Variants in TTLL5 observed in about 807,000 individuals in gnomAD.
TTLL5 encodes tubulin tyrosine ligase like 5, also known as tubulin polyglutamylase TTLL5.
A neutral mutation model predicts 168.4 loss-of-function variants in TTLL5; 132 were observed. The ratio of observed to expected loss-of-function variants is 0.78; its 90% CI spans 0.68 to 0.91. The LOEUF (loss-of-function observed/expected upper bound fraction) is 0.91. Ranked by LOEUF, TTLL5 falls within the 40% of genes least tolerant of loss-of-function variation. TTLL5 has a pLI of 0.00. For missense variants in TTLL5, 1,545 were observed against 1,581.5 expected (o/e 0.98, Z 0.39); for synonymous variants, 546 against 558.6 (o/e 0.98, Z 0.32).
intron 30 of TTLL5, among the ~76,000 whole-genome samples, chr14:75,892,323 A>G (rs2032440786): frequency 6.6e-6 from 1 of 152,222 alleles, no homozygotes; most frequent in Non-Finnish European, 1.5e-5. Flanking sequence ...CTTGGCCCCA[A>G]AATATACCAA....
intron 7 of TTLL5, among the ~76,000 whole-genome samples, chr14:75,705,767 AATT>A (rs1156799801): frequency 6.6e-6 from 1 of 151,948 alleles, no homozygotes; most frequent in East Asian, 1.9e-4. Flanking sequence ...TTATCAACCT[AATT>A]ATTATCACTA....
At chr14:75,883,152 A>G (rs1253436373) in intron 30 of TTLL5, among the ~76,000 whole-genome samples, 1 of 152,236 alleles carries the variant, frequency 6.6e-6, no homozygotes, top group Non-Finnish European at 1.5e-5. Flanking sequence ...GATCTTTTCA[A>G]TTTCATATAA....
chr14:75,663,320 A>G (rs1890874552), intron 2 of TTLL5, 97 bp downstream of exon 2: 14 of 1,189,098 alleles, frequency 1.2e-5, no homozygotes, highest in Non-Finnish European at 1.2e-6. Flanking sequence ...TCTTTTACTT[A>G]TGTACTCTTT....
intron 5 of TTLL5, among the ~76,000 whole-genome samples, chr14:75,688,174 A>G (rs1341502525): frequency 6.6e-6 from 1 of 152,140 alleles, no homozygotes; most frequent in East Asian, 1.9e-4. Flanking sequence ...TGGTTACAAG[A>G]AAAGACCAAG....
intron 12 of TTLL5, among the ~76,000 whole-genome samples, chr14:75,721,845 G>A (rs1442963393): frequency 6.6e-6 from 1 of 152,070 alleles, no homozygotes; most frequent in Non-Finnish European, 1.5e-5. Flanking sequence ...TATATTTGAG[G>A]GTCAGTAAAC....
chr14:75,737,638 A>C, intron 15 of TTLL5: 2 of 1,526,928 alleles, frequency 1.3e-6, no homozygotes. Flanking sequence ...AGACTTCTTC[A>C]AATTTTATTT....
intron 7 of TTLL5, among the ~76,000 whole-genome samples, chr14:75,705,869 C>G (rs938465819): frequency 3.5e-4 from 52 of 150,662 alleles, no homozygotes; most frequent in African/African-American, 1.3e-3. Flanking sequence ...TTTTTTTTCT[C>G]CCAGATATTT....
Position 75,843,857 on chromosome 14 carries a change from A to ATTTTGTTTTGTTTTG in TTLL5, c.3327-19800_3327-19786dup, listed in dbSNP as rs1555350782. On this transcript the variant is annotated intron_variant, in intron 28 of 31. Transcript: ENST00000298832. Reference sequence around the variant, plus strand: ...TAGTTTCTCATTTTATATTTATTTTATTTTGTTTTGTTTTGTTTTGTTTTA... The same window carrying ATTTTGTTTTGTTTTG: ...TAGTTTCTCATTTTATATTTATTTTATTTTGTTTTGTTTTGTTTTGTTTTGTTTTGTTTTGTTTTA... 1.9e-3 allele frequency among the ~76,000 whole-genome samples: 191 copies of ATTTTGTTTTGTTTTG among 99,292 alleles called. 1 individual carries two copies. Among genetic ancestry groups the ATTTTGTTTTGTTTTG allele is most frequent in the African/African-American group, 5.6e-3 (182 of 32,752 alleles). 65.1% of individuals were successfully genotyped at this position (99,292 alleles called of 152,430 possible). A position where few individuals can be genotyped will look rare whatever the true frequency, so the allele number is the denominator to read the frequency against.
intron 28 of TTLL5, among the ~76,000 whole-genome samples, chr14:75,821,811 T>C (rs1193880460): frequency 6.6e-6 from 1 of 152,186 alleles, no homozygotes; most frequent in Non-Finnish European, 1.5e-5. Context: ...CACGATTTAC[T>C]TCTGACCCAT....
At chr14:75,763,255 C>CTGTGTGTGTG (rs60621403) in intron 18 of TTLL5, among the ~76,000 whole-genome samples, 5,393 of 58,496 alleles carry the variant, frequency 0.092, 117 homozygotes, top group Non-Finnish European at 0.16. Context: ...AGCTCTCTCT[C>CTGTGTGTGTG]TGTGTGTGTG....
At chr14:75,694,805 A>G (rs559520682) in intron 6 of TTLL5, among the ~76,000 whole-genome samples, 2 of 152,322 alleles carry the variant, frequency 1.3e-5, no homozygotes, top group South Asian at 2.1e-4. Context: ...TGAAGATTTT[A>G]TGGACATTTA....
At chr14:75,829,612 A>G (rs949864352) in intron 28 of TTLL5, among the ~76,000 whole-genome samples, 7 of 150,196 alleles carry the variant, frequency 4.7e-5, no homozygotes, top group African/African-American at 7.4e-5. Context: ...AAAAGAGCAT[A>G]TGGGTTCAGA....
intron 16 of TTLL5, 104 bp downstream of exon 16, chr14:75,745,312 A>G: frequency 7.9e-7 from 1 of 1,272,278 alleles, no homozygotes; most frequent in Non-Finnish European, 1.1e-6. Context: ...TTACATTGAA[A>G]AGAGAAAGAT....
At chr14:75,664,415 A>G (rs1272520759) in intron 2 of TTLL5, among the ~76,000 whole-genome samples, 10 of 152,332 alleles carry the variant, frequency 6.6e-5, no homozygotes, top group African/African-American at 2.2e-4. Context: ...TGTGCTATGT[A>G]ACCTGAAAAA....
intron 4 of TTLL5, 124 bp downstream of exon 4, chr14:75,681,751 T>TC: frequency 2.8e-6 from 2 of 712,606 alleles, no homozygotes; most frequent in Non-Finnish European, 4.7e-6. Flanking sequence ...TTAGTGGTGG[T>TC]CCAGAACTCA....
At position 75,707,080 on chromosome 14, in the gene TTLL5, C is replaced by A. The variant is rs1886709989; in HGVS notation, c.648C>A (p.Leu216=). 1 of 1,612,356 alleles carries A rather than the reference C, an allele frequency of 6.2e-7. No individual in the cohort carries two copies. The highest frequency in any genetic ancestry group is 1.1e-5 in the South Asian group (1 of 90,978). The change falls in exon 8 of 32, where the codon CTC becomes CTA. Residue 216 remains leucine (L), a synonymous_variant. Transcript: ENST00000298832. ...CCCGTTACATTAACAACCCCCTGCT[C>A]ATAGATGGTGAGTTGTGATTAGGCC... is the stretch of plus-strand genomic sequence containing the variant. ...LVSRYINNPL[L]IDDFKFDVRL...
rs201356863 is a variant in TTLL5 at position 75,735,221 on chromosome 14, C to A, written c.1213C>A (p.Arg405=). 4 of 1,614,174 alleles carry A rather than the reference C, an allele frequency of 2.5e-6. No homozygotes were observed. The East Asian group carries it at 8.9e-5, about 36-fold the overall frequency. Residue 405 remains arginine, a synonymous_variant, in exon 15 of 32, where the codon CGG becomes AGG. Transcript: ENST00000298832. The part of the protein sequence containing the change: ...VGFVCQDPAQ[R]ASTRPIYPTF... ...ATTTGTGTGCCAAGATCCTGCCCAG[C>A]GGGCATCAACTCGGCCAATTTATCC...
chr14:75,757,827 G>C, intron 18 of TTLL5: 1 of 1,590,968 alleles, frequency 6.3e-7, no homozygotes, highest in Non-Finnish European at 8.5e-7. Flanking sequence ...TTCTGCTTCT[G>C]TAGGGGAAAC....
At chr14:75,763,155 T>C (rs1005170825) in intron 18 of TTLL5, among the ~76,000 whole-genome samples, 1 of 152,184 alleles carries the variant, frequency 6.6e-6, no homozygotes, top group African/African-American at 2.4e-5. Flanking sequence ...TAGCCAGACA[T>C]TATTGAATAA....
Sources: gnomAD v4.1 joint callset for allele counts (sites outside exome capture counted in the v4.1 genomes callset) on GRCh38, gnomAD v4.1.1 for gene constraint, MANE v1.5 for transcripts, NCBI Gene and HGNC (gene_info 2026-07-23, HGNC 2026-07-21) for gene names.